The following RAP1GDS1 variants were observed in gnomAD, a reference collection of about 807,000 sequenced individuals.
The protein encoded by RAP1GDS1 is RAP1, GTP-GDP dissociation stimulator 1.
Under a neutral mutation model 71.1 loss-of-function variants are expected in RAP1GDS1, and 35 were observed. The observed-to-expected ratio is 0.49, with a 90% CI of 0.38 to 0.65. The LOEUF (loss-of-function observed/expected upper bound fraction) is 0.65, where lower values mean the gene tolerates loss of function less well. Among genes scored for constraint, RAP1GDS1 ranks in the 30% least tolerant of loss-of-function variants. RAP1GDS1 has a pLI of 0.00. For synonymous variants in RAP1GDS1, 229 were observed against 243.1 expected (o/e 0.94, Z 0.54); for missense variants, 663 against 706.1 (o/e 0.94, Z 0.69).
intron 2 of RAP1GDS1, among the ~76,000 whole-genome samples, chr4:98,324,803 A>G (rs1442718523): frequency 6.6e-6 from 1 of 151,174 alleles, no homozygotes; most frequent in African/African-American, 2.4e-5. Flanking sequence ...CGTTAGACCT[A>G]AAACCATAAA....
chr4:98,264,264 C>T (rs760104930), intron 1 of RAP1GDS1, among the ~76,000 whole-genome samples: 12 of 152,020 alleles, frequency 7.9e-5, no homozygotes, highest in Non-Finnish European at 1.8e-4. Flanking sequence ...GGTGTGGTGG[C>T]GGGCGCCTGT....
At chr4:98,356,981 T>C (rs1382740951) in intron 4 of RAP1GDS1, among the ~76,000 whole-genome samples, 1 of 149,598 alleles carries the variant, frequency 6.7e-6, no homozygotes, top group Non-Finnish European at 1.5e-5. Context: ...TATATAAAAA[T>C]AGTGTAGAAG....
intron 2 of RAP1GDS1, among the ~76,000 whole-genome samples, chr4:98,326,275 C>T (rs927806571): frequency 1.3e-5 from 2 of 152,136 alleles, no homozygotes; most frequent in Non-Finnish European, 2.9e-5. Context: ...AATCAAAAAC[C>T]TCTACCAAAA....
At chr4:98,408,766 C>T (rs1190419070) in intron 7 of RAP1GDS1, among the ~76,000 whole-genome samples, 3 of 152,024 alleles carry the variant, frequency 2.0e-5, no homozygotes, top group Non-Finnish European at 4.4e-5. Flanking sequence ...TAATTCATCA[C>T]CTTAAAATAT....
At chr4:98,369,693 G>A (rs985687379) in intron 4 of RAP1GDS1, among the ~76,000 whole-genome samples, 2 of 152,188 alleles carry the variant, frequency 1.3e-5, no homozygotes, top group African/African-American at 4.8e-5. Context: ...CAGAGGTGGA[G>A]GGAAAGATGG....
intron 7 of RAP1GDS1, 63 bp downstream of exon 7, chr4:98,404,665 A>G: frequency 6.6e-7 from 1 of 1,522,982 alleles, no homozygotes; most frequent in Non-Finnish European, 8.9e-7. Context: ...TTTTCCTAAT[A>G]TTATTTAATT....
At chr4:98,329,421 CATCAGTTT>C (rs1733607114) in intron 2 of RAP1GDS1, among the ~76,000 whole-genome samples, 1 of 151,898 alleles carries the variant, frequency 6.6e-6, no homozygotes, top group Admixed American at 6.6e-5. Flanking sequence ...CTTTTGAACC[CATCAGTTT>C]ATTAGTGTTC....
intron 4 of RAP1GDS1, among the ~76,000 whole-genome samples, chr4:98,363,562 A>C (rs1185165215): frequency 6.6e-6 from 1 of 151,818 alleles, no homozygotes; most frequent in Non-Finnish European, 1.5e-5. Flanking sequence ...TTCAGAAAGG[A>C]AACCAGGTTA....
At chr4:98,413,926 A>G (rs1747496496) in intron 7 of RAP1GDS1, among the ~76,000 whole-genome samples, 1 of 152,072 alleles carries the variant, frequency 6.6e-6, no homozygotes, top group Non-Finnish European at 1.5e-5. Context: ...CTGGTGTGAG[A>G]TGGTATCTCA....
intron 2 of RAP1GDS1, among the ~76,000 whole-genome samples, chr4:98,309,015 T>G (rs1729813495): frequency 6.6e-6 from 1 of 152,150 alleles, no homozygotes; most frequent in Non-Finnish European, 1.5e-5. Flanking sequence ...TTTATTTGTT[T>G]ATATTATTCA....
At chr4:98,390,748 A>AT (rs1412114593) in intron 5 of RAP1GDS1, among the ~76,000 whole-genome samples, 1 of 152,164 alleles carries the variant, frequency 6.6e-6, no homozygotes, top group Non-Finnish European at 1.5e-5. Context: ...ATAAAGAGTA[A>AT]TAAAAAAAAT....
At chr4:98,436,428 A>G (rs1463891294) in intron 13 of RAP1GDS1, among the ~76,000 whole-genome samples, 1 of 152,110 alleles carries the variant, frequency 6.6e-6, no homozygotes, top group Non-Finnish European at 1.5e-5. Flanking sequence ...GTGGCTTTCC[A>G]TGTAAGTTTT....
chr4:98,383,908 T>C (rs1742361553), intron 5 of RAP1GDS1, among the ~76,000 whole-genome samples: 1 of 151,560 alleles, frequency 6.6e-6, no homozygotes. Flanking sequence ...GTGTTAGATG[T>C]TTAGAAAAAT....
chr4:98,280,087 A>G (rs1212162908), intron 1 of RAP1GDS1, among the ~76,000 whole-genome samples: 2 of 152,174 alleles, frequency 1.3e-5, no homozygotes, highest in Non-Finnish European at 2.9e-5. Context: ...ATGTGTCTTT[A>G]TAGTAGCATA....
intron 4 of RAP1GDS1, among the ~76,000 whole-genome samples, chr4:98,376,780 T>C (rs1741241473): frequency 6.6e-6 from 1 of 151,990 alleles, no homozygotes; most frequent in South Asian, 2.1e-4. Context: ...AGATTGTGTT[T>C]ATGCCTTGCA....
Position 98,334,872 on chromosome 4 carries a change from G to A in RAP1GDS1, c.113-8267G>A, listed in dbSNP as rs73834436. On this transcript the variant is annotated intron_variant, in intron 2 of 14. Coordinates refer to ENST00000408927, the MANE Select transcript of RAP1GDS1 (RefSeq NM_001100427.2). ...TTGGCTGGAATTCCATAAGCAGTGAGTTTTATATCAACACCAGTAGGAAAA... is the reference window on the plus strand; with the variant it reads ...TTGGCTGGAATTCCATAAGCAGTGAATTTTATATCAACACCAGTAGGAAAA... Among the ~76,000 whole-genome samples, 455 of 127,606 alleles carry A rather than the reference G, an allele frequency of 3.6e-3. 4 individuals are homozygous for A. The highest frequency in any genetic ancestry group is 0.013 in the African/African-American group (419 of 33,494). 83.7% of individuals were successfully genotyped at this position (127,606 alleles called of 152,430 possible).
At chr4:98,267,292 G>A (rs1324946576) in intron 1 of RAP1GDS1, among the ~76,000 whole-genome samples, 1 of 152,044 alleles carries the variant, frequency 6.6e-6, no homozygotes, top group African/African-American at 2.4e-5. Context: ...AGGAGGATTG[G>A]TATTAGTTCC....
At chr4:98,313,173 A>C (rs1441802370) in intron 2 of RAP1GDS1, among the ~76,000 whole-genome samples, 1 of 151,424 alleles carries the variant, frequency 6.6e-6, no homozygotes, top group Non-Finnish European at 1.5e-5. Context: ...GACCTAGGGA[A>C]GGGCTGATGC....
At chr4:98,262,698 G>A (rs896030199) in intron 1 of RAP1GDS1, among the ~76,000 whole-genome samples, 1 of 152,182 alleles carries the variant, frequency 6.6e-6, no homozygotes, top group African/African-American at 2.4e-5. Flanking sequence ...GTTATTTAAA[G>A]CTTGAGATGA....
Sources: gnomAD v4.1 joint callset for allele counts (sites outside exome capture counted in the v4.1 genomes callset) on GRCh38, gnomAD v4.1.1 for gene constraint, MANE v1.5 for transcripts, NCBI Gene and HGNC (gene_info 2026-07-23, HGNC 2026-07-21) for gene names.